Variants in PI15 observed in about 807,000 individuals in gnomAD.
PI15 encodes peptidase inhibitor 15.
Under a neutral mutation model 31.0 loss-of-function variants are expected in PI15, and 18 were observed. The ratio of observed to expected loss-of-function variants is 0.58; its 90% CI spans 0.40 to 0.86. The LOEUF (loss-of-function observed/expected upper bound fraction) is 0.86, where lower values mean the gene tolerates loss of function less well. Among genes scored for constraint, PI15 ranks in the 40% least tolerant of loss-of-function variants. PI15 has a pLI of 0.00. For missense variants in PI15, 282 were observed against 328.1 expected, an observed-to-expected ratio of 0.86 and a Z score of 1.09; for synonymous variants, 118 against 119.1, an observed-to-expected ratio of 0.99 and a Z score of 0.06.
In PI15 at chr8:74,831,406, G is replaced by C. The variant is rs372824148; in HGVS notation, c.273+5884G>C. On this transcript the variant is annotated intron_variant, in intron 2 of 5. Transcript: ENST00000260113. Reference sequence around the variant, plus strand: ...CCTAGCATCATGTCTGCTCCACAGAGAATATGCAGTGACTACTCAGTAACT... The same window carrying C: ...CCTAGCATCATGTCTGCTCCACAGACAATATGCAGTGACTACTCAGTAACT... 4.2e-4 allele frequency among the ~76,000 whole-genome samples: 64 copies of C among 152,288 alleles called. 2 individuals are homozygous for C. In the South Asian group the frequency reaches 4.8e-3, roughly 11 times the overall value.
chr8:74,832,222 G>A (rs1368633), intron 2 of PI15, among the ~76,000 whole-genome samples: 32,176 of 152,054 alleles, frequency 0.21, 4,064 homozygotes, highest in Middle Eastern at 0.29. Flanking sequence ...GGATGCCTCC[G>A]TTTTTGACAA....
In PI15 at chr8:74,849,374, G is replaced by T; in HGVS notation, c.*121G>T. 1.6e-6 allele frequency: 1 copy of T among 639,454 alleles called. No homozygotes were observed. The highest frequency in any genetic ancestry group is 2.6e-6 in the Non-Finnish European group (1 of 387,166). The allele number at this position is 639,454 out of a possible 1,614,324, so 39.6% of individuals were successfully genotyped here. ...TTGTGCTAATCTTGTTTTCCTCTTA[G>T]TATTCCTTTGTATAAATTAGTGTTT... On this transcript the variant is annotated 3_prime_UTR_variant, in exon 6 of 6. Transcript: ENST00000260113.
intron 2 of PI15, among the ~76,000 whole-genome samples, chr8:74,834,975 G>C (rs188922792): frequency 6.6e-6 from 1 of 150,814 alleles, no homozygotes; most frequent in Non-Finnish European, 1.5e-5. Context: ...ATAATGGAAA[G>C]GGATTCATTT....
chr8:74,826,379 C>G (rs1450255741), intron 2 of PI15: 1 of 498,750 alleles, frequency 2.0e-6, no homozygotes, highest in African/African-American at 2.1e-5. Flanking sequence ...GGGGGTACCA[C>G]TAACAGTTTT....
At chr8:74,849,023 CAT>C in intron 5 of PI15, 93 bp from the exon 6 acceptor site, 6 of 1,012,458 alleles carry the variant, frequency 5.9e-6, no homozygotes, top group Non-Finnish European at 5.8e-6. Context: ...CGGATCATCA[CAT>C]GTCAATACTT....
In PI15 at chr8:74,825,263, C is replaced by A; in HGVS notation, c.14C>A (p.Ser5Tyr). Residue 5 changes from serine to tyrosine, a missense_variant, in exon 2 of 6, where the codon TCT (serine) becomes TAT (tyrosine). Coordinates refer to ENST00000260113, the MANE Select transcript of PI15 (RefSeq NM_015886.5). MIAI[S>Y]AVSSALLFSL... Reference sequence around the variant, plus strand: ...CCACCCCTCAAAATGATAGCAATCTCTGCCGTCAGCAGTGCACTCCTGTTC... The same window carrying A: ...CCACCCCTCAAAATGATAGCAATCTATGCCGTCAGCAGTGCACTCCTGTTC... 1 of 1,613,160 alleles carries A rather than the reference C, an allele frequency of 6.2e-7. No homozygotes were observed. Among genetic ancestry groups the A allele is most frequent in the Non-Finnish European group, 8.5e-7 (1 of 1,179,378 alleles).
At chr8:74,832,941 G>A (rs1249548466) in intron 2 of PI15, among the ~76,000 whole-genome samples, 21 of 152,054 alleles carry the variant, frequency 1.4e-4, no homozygotes, top group Admixed American at 1.4e-3. Context: ...AGTAAAAAGT[G>A]CATCAAATTC....
chr8:74,841,504 T>A (rs1810945387), intron 2 of PI15, among the ~76,000 whole-genome samples: 1 of 152,238 alleles, frequency 6.6e-6, no homozygotes. Context: ...CAGCGCTATG[T>A]GTGCATGTTG....
At chr8:74,827,808 T>C (rs1371042024) in intron 2 of PI15, among the ~76,000 whole-genome samples, 2 of 152,200 alleles carry the variant, frequency 1.3e-5, no homozygotes, top group Admixed American at 6.6e-5. Context: ...ATTATTTTTT[T>C]GAATATCAGA....
chr8:74,833,356 T>A (rs2128764121), intron 2 of PI15, among the ~76,000 whole-genome samples: 1 of 152,182 alleles, frequency 6.6e-6, no homozygotes, highest in South Asian at 2.1e-4. Flanking sequence ...TTTTAAAACA[T>A]CTAAAATGTT....
chr8:74,842,447 A>G (rs367910439), intron 2 of PI15, among the ~76,000 whole-genome samples: 2 of 152,172 alleles, frequency 1.3e-5, no homozygotes, highest in Admixed American at 1.3e-4. Context: ...ATGCCATGAC[A>G]TTGAACTATG....
chr8:74,825,605 G>C (rs940710973), intron 2 of PI15, 83 bp downstream of exon 2: 2 of 1,149,958 alleles, frequency 1.7e-6, no homozygotes, highest in African/African-American at 3.1e-5. Context: ...AAACGACCAC[G>C]AGTGTTTATA....
intron 2 of PI15, among the ~76,000 whole-genome samples, chr8:74,833,848 C>G (rs911094622): frequency 2.0e-5 from 3 of 152,222 alleles, no homozygotes; most frequent in African/African-American, 4.8e-5. Context: ...AATCAGGGGT[C>G]TCCCCAATTC....
rs1324802422 is a variant in PI15 at position 74,854,899 on chromosome 8, G to GT, written c.*5648dup. 1 of 152,096 alleles carries GT rather than the reference G, an allele frequency of 6.6e-6. No homozygotes were observed. The highest frequency in any genetic ancestry group is 2.4e-5 in the African/African-American group (1 of 41,416). 9.4% of individuals were successfully genotyped at this position (152,096 alleles called of 1,614,324 possible). ...CTGTGGCAAAAATGGTGCCTCTGAT[G>GT]TTGTGATATAGTATTGTCAGTGTGT... On this transcript the variant is annotated 3_prime_UTR_variant, in exon 6 of 6. Coordinates refer to ENST00000260113, the MANE Select transcript of PI15 (RefSeq NM_015886.5).
At position 74,851,433 on chromosome 8, in the gene PI15, A is replaced by G. The variant is rs1050048012; in HGVS notation, c.*2180A>G. ...TTCTGTGAGTTCACTTTTCAGTTCT[A>G]AGGAAGAATAATATTTGCTACATAT... On this transcript the variant is annotated 3_prime_UTR_variant, in exon 6 of 6. Transcript: ENST00000260113. 1 of 152,088 alleles carries G rather than the reference A, an allele frequency of 6.6e-6. No homozygotes were observed. The highest frequency in any genetic ancestry group is 1.5e-5 in the Non-Finnish European group (1 of 67,954). 9.4% of individuals were successfully genotyped at this position (152,088 alleles called of 1,614,324 possible). A position where few individuals can be genotyped will look rare whatever the true frequency, so the allele number is the denominator to read the frequency against.
chr8:74,839,789 T>C (rs1810919450), intron 2 of PI15, among the ~76,000 whole-genome samples: 1 of 152,194 alleles, frequency 6.6e-6, no homozygotes, highest in Non-Finnish European at 1.5e-5. Flanking sequence ...ACCTGTGCCC[T>C]TCTTTCTTCC....
rs1041302729 is a variant in PI15, at chr8:74,851,467, G to T, written c.*2214G>T. ...TAATATTTGCTACATATTTCACAGG[G>T]GTTCTTATGAAGGTAAATTTACCAG... On this transcript the variant is annotated 3_prime_UTR_variant, in exon 6 of 6. Coordinates refer to ENST00000260113, the MANE Select transcript of PI15 (RefSeq NM_015886.5). The T allele has an allele frequency of 6.6e-6, 1 of 151,572 alleles. No individual in the cohort carries two copies. The highest frequency in any genetic ancestry group is 2.4e-5 in the African/African-American group (1 of 41,286). 9.4% of individuals were successfully genotyped at this position (151,572 alleles called of 1,614,324 possible). A position where few individuals can be genotyped will look rare whatever the true frequency, so the allele number is the denominator to read the frequency against.
intron 2 of PI15, among the ~76,000 whole-genome samples, chr8:74,835,838 G>A (rs765950726): frequency 6.6e-6 from 1 of 152,120 alleles, no homozygotes; most frequent in Non-Finnish European, 1.5e-5. Context: ...TAATCAACAA[G>A]CTATTTAAAT....
chr8:74,829,949 G>A (rs562727603), intron 2 of PI15, among the ~76,000 whole-genome samples: 6 of 152,084 alleles, frequency 3.9e-5, no homozygotes, highest in Non-Finnish European at 7.4e-5. Context: ...TTTGAGAAAA[G>A]GTTGAGGATT....
Sources: gnomAD v4.1 joint callset for allele counts (sites outside exome capture counted in the v4.1 genomes callset) on GRCh38, gnomAD v4.1.1 for gene constraint, MANE v1.5 for transcripts, NCBI Gene and HGNC (gene_info 2026-07-23, HGNC 2026-07-21) for gene names.